PMPCA: variants seen among roughly 807,000 people sequenced by gnomAD.
PMPCA encodes the protein peptidase, mitochondrial processing subunit alpha.
In PMPCA, 47 loss-of-function variants were observed where a neutral mutation model predicts 59.3. The observed-to-expected ratio is 0.79, with a 90% CI of 0.63 to 1.01. The LOEUF is 1.01. Ranked by LOEUF, PMPCA falls within the 50% of genes least tolerant of loss-of-function variation. The pLI is 0.00. For synonymous variants in PMPCA, 338 were observed against 290.3 expected (o/e 1.16, Z -1.67); for missense variants, 726 against 704.5 (o/e 1.03, Z -0.34).
chr9:136,421,559 G>A (rs1835451871), intron 11 of PMPCA, among the ~76,000 whole-genome samples: 1 of 152,142 alleles, frequency 6.6e-6, no homozygotes, highest in African/African-American at 2.4e-5. Context: ...ACAGGCGCCC[G>A]CCACCACGCC....
In PMPCA at chr9:136,410,712, C is replaced by G. The variant is rs1835071772; in HGVS notation, c.44C>G (p.Ser15Trp). The G allele has an allele frequency of 7.0e-7, 1 of 1,422,268 alleles. No individual in the cohort carries two copies. The highest frequency in any genetic ancestry group is 9.2e-7 in the Non-Finnish European group (1 of 1,091,440). The allele number at this position is 1,422,268 out of a possible 1,614,324, so 88.1% of individuals were successfully genotyped here. ...GCGGCGACGCGGTTGCTGCGGGGCTCGGGTTCTTGGGGCTGTTCGCGGCTG... is the reference window on the plus strand; with the variant it reads ...GCGGCGACGCGGTTGCTGCGGGGCTGGGGTTCTTGGGGCTGTTCGCGGCTG... The part of the protein sequence containing the change: ...VLAATRLLRG[S>W]GSWGCSRLRF... Residue 15 changes from serine to tryptophan, a missense_variant, in exon 1 of 13, where the codon TCG becomes TGG. By Grantham distance (177) the Ser-to-Trp change is radical (BLOSUM62 -3). Transcript: ENST00000371717.
rs1164135998 is a variant in PMPCA, at chr9:136,417,165, C to T, written c.848C>T (p.Ala283Val). Residue 283 changes from alanine (A) to valine (V), a missense_variant, in exon 7 of 13, where the codon GCC becomes GTC. Physicochemically the swap from Ala to Val is moderately conservative, Grantham distance 64. Transcript: ENST00000371717. ...GVQPAWGSAE[A>V]VDIDRSVAQY... ...CAGCCGGCCTGGGGGAGCGCAGAGG[C>T]CGTGGATATTGACAGATCTGTGGCC... 2 of 1,610,134 alleles carry T rather than the reference C, an allele frequency of 1.2e-6. No individual in the cohort carries two copies. The highest frequency in any genetic ancestry group is 2.7e-5 in the African/African-American group (2 of 74,872).
chr9:136,414,730 A>T (rs922474072), intron 5 of PMPCA, 83 bp downstream of exon 5: 9 of 832,298 alleles, frequency 1.1e-5, no homozygotes, highest in Middle Eastern at 2.2e-4. Context: ...TGTAGCCATG[A>T]GGGAGAGCAC....
intron 1 of PMPCA, 73 bp from the exon 2 acceptor site, chr9:136,411,924 A>G (rs1835131175): frequency 2.4e-6 from 2 of 840,406 alleles, no homozygotes; most frequent in East Asian, 2.6e-5. Context: ...AAACATAACT[A>G]ACCGCACCTA....
chr9:136,418,438 C>G, intron 8 of PMPCA, 117 bp from the exon 9 acceptor site: 1 of 731,146 alleles, frequency 1.4e-6, no homozygotes, highest in Non-Finnish European at 2.4e-6. Flanking sequence ...TGGCGTCCAG[C>G]GGCGCTCCTG....
chr9:136,422,449 G>T, intron 12 of PMPCA: 1 of 1,082,794 alleles, frequency 9.2e-7, no homozygotes, highest in East Asian at 7.8e-5. Context: ...AGTTGTATGT[G>T]CATCGGACTC....
At chr9:136,421,787 G>A in intron 11 of PMPCA, 45 bp from the exon 12 acceptor site, 2 of 1,521,662 alleles carry the variant, frequency 1.3e-6, no homozygotes, top group Non-Finnish European at 8.9e-7. Flanking sequence ...GGTGGAAGGT[G>A]GCACGGGGCG....
Position 136,416,673 on chromosome 9 carries a change from CTGT to C in PMPCA, c.634-276_634-274del, listed in dbSNP as rs1835284853. The C allele has an allele frequency of 5.1e-6, 3 of 592,646 alleles. No homozygotes were observed. In the East Asian group the frequency reaches 8.4e-5, roughly 17 times the overall value. 36.7% of individuals were successfully genotyped at this position (592,646 alleles called of 1,614,324 possible). On this transcript the variant is annotated intron_variant, in intron 6 of 12. Coordinates refer to ENST00000371717, the MANE Select transcript of PMPCA (RefSeq NM_015160.3). The stretch of plus-strand genomic sequence containing the variant: ...AGAACATTCTTGATTTCTGAGTCTG[CTGT>C]TTATACAATGTTCGTATTTTCCAGT...
At chr9:136,423,064 T>G (rs2131598009) in intron 12 of PMPCA, 31 bp from the exon 13 acceptor site, 1 of 1,593,168 alleles carries the variant, frequency 6.3e-7, no homozygotes, top group South Asian at 1.1e-5. Flanking sequence ...CGTGGCGCGC[T>G]CGTGTGACAC....
rs769694700 is a variant in PMPCA at position 136,416,490 on chromosome 9, G to A, written c.633+99G>A. The A allele has an allele frequency of 1.3e-5, 11 of 843,106 alleles. No individual in the cohort carries two copies. The African/African-American group carries it at 1.5e-4, about 11-fold the overall frequency. The allele number at this position is 843,106 out of a possible 1,614,324, so 52.2% of individuals were successfully genotyped here. Reference sequence around the variant, plus strand: ...GTGCCTCCGTGATGTTGTCCTTGCAGGTTATGGATATATACAGAACATTTT... The same window carrying A: ...GTGCCTCCGTGATGTTGTCCTTGCAAGTTATGGATATATACAGAACATTTT... On this transcript the variant is annotated intron_variant, in intron 6 of 12. Transcript: ENST00000371717.
In PMPCA at chr9:136,412,587, T is replaced by G. The variant is rs200943826; in HGVS notation, c.354+18T>G. 562 of 1,357,518 alleles carry G rather than the reference T, an allele frequency of 4.1e-4. 2 individuals carry two copies. In the Middle Eastern group the frequency reaches 8.7e-3, roughly 21 times the overall value. The allele number at this position is 1,357,518 out of a possible 1,614,324, so 84.1% of individuals were successfully genotyped here. A position where few individuals can be genotyped will look rare whatever the true frequency, so the allele number is the denominator to read the frequency against. ...CATTTTCGGTCAGTACCCAGTTTTG[T>G]AATTTTTTAGACTATACTTTTGAAG... is the stretch of plus-strand genomic sequence containing the variant. On this transcript the variant is annotated intron_variant, in intron 3 of 12. Coordinates refer to ENST00000371717, the MANE Select transcript of PMPCA (RefSeq NM_015160.3).
At chr9:136,421,396 G>A (rs1835443637) in intron 11 of PMPCA, among the ~76,000 whole-genome samples, 1 of 139,568 alleles carries the variant, frequency 7.2e-6, no homozygotes, top group South Asian at 2.3e-4. Context: ...ACTTGGGCCT[G>A]GGTTCCCGTT....
rs1054286787 is a variant in PMPCA, at chr9:136,412,951, G to A, written c.437+59G>A. Reference sequence around the variant, plus strand: ...GTCCTTGGGAACTGACGTTCTTGTCGTTGCTCAGATTCCCTCTGAGCCCCT... The same window carrying A: ...GTCCTTGGGAACTGACGTTCTTGTCATTGCTCAGATTCCCTCTGAGCCCCT... On this transcript the variant is annotated intron_variant, in intron 4 of 12. Coordinates refer to ENST00000371717, the MANE Select transcript of PMPCA (RefSeq NM_015160.3). 2.3e-5 allele frequency: 23 copies of A among 1,006,506 alleles called. 1 individual carries two copies. The highest frequency in any genetic ancestry group is 4.1e-4 in the Middle Eastern group (2 of 4,876). The allele number at this position is 1,006,506 out of a possible 1,614,324, so 62.3% of individuals were successfully genotyped here.
In PMPCA at chr9:136,414,531, A is replaced by G. The variant is rs766341490; in HGVS notation, c.438-22A>G. On this transcript the variant is annotated intron_variant, in intron 4 of 12. Transcript: ENST00000371717. The stretch of plus-strand genomic sequence containing the variant: ...GAGTGTGAGTTCAGGGCCTGGCATT[A>G]TGGGCTTGTGTTTTCTTCCAGAGAC... 1.3e-5 allele frequency: 20 copies of G among 1,535,420 alleles called. No homozygotes were observed. In the Admixed American group the frequency reaches 3.3e-4, roughly 26 times the overall value.
At chr9:136,417,295 T>G in intron 7 of PMPCA, 81 bp downstream of exon 7, 3 of 1,228,126 alleles carry the variant, frequency 2.4e-6, no homozygotes, top group Non-Finnish European at 3.4e-6. Flanking sequence ...TTGTATTGAT[T>G]CTGAGGGTGA....
At chr9:136,416,477 T>C (rs1226636467) in intron 6 of PMPCA, 86 bp downstream of exon 6, 2 of 932,092 alleles carry the variant, frequency 2.1e-6, no homozygotes, top group Admixed American at 1.8e-5. Context: ...GCCTCCGTGA[T>C]GTTGTCCTTG....
At chr9:136,419,362 G>A (rs1835381754) in intron 11 of PMPCA, 15 of 573,534 alleles carry the variant, frequency 2.6e-5, no homozygotes, top group Non-Finnish European at 4.4e-5. Flanking sequence ...CCCAGTGCTC[G>A]GTCCACTACT....
At chr9:136,419,273 C>G (rs1835378265) in intron 11 of PMPCA, 167 bp downstream of exon 11, 3 of 715,524 alleles carry the variant, frequency 4.2e-6, no homozygotes, top group Non-Finnish European at 7.7e-6. Flanking sequence ...TGGGGCTGAG[C>G]TGCTCCACCT....
Position 136,412,872 on chromosome 9 carries a change from C to A in PMPCA, c.417C>A (p.Ile139=), listed in dbSNP as rs1835174323. 3 of 1,604,002 alleles carry A rather than the reference C, an allele frequency of 1.9e-6. No individual in the cohort carries two copies. The highest frequency in any genetic ancestry group is 2.6e-6 in the Non-Finnish European group (3 of 1,170,938). Residue 139 remains isoleucine, a synonymous_variant, in exon 4 of 13, where the codon ATC becomes ATA. Transcript: ENST00000371717. ...ILLTLEKHGG[I]CDCQTSRDTT... ...TTACGTTGGAAAAGCATGGGGGTATCTGTGACTGCCAGACATCAAGGTACA... is the reference window on the plus strand; with the variant it reads ...TTACGTTGGAAAAGCATGGGGGTATATGTGACTGCCAGACATCAAGGTACA...
Sources: allele counts gnomAD v4.1 joint callset (sites outside exome capture counted in the v4.1 genomes callset), GRCh38; gene constraint gnomAD v4.1.1; transcripts MANE v1.5; gene names NCBI Gene and HGNC (gene_info 2026-07-23, HGNC 2026-07-21).